Variants in TENM3 observed in about 807,000 individuals in gnomAD.
TENM3 encodes teneurin transmembrane protein 3, also known as teneurin-3.
Under a neutral mutation model 255.1 loss-of-function variants are expected in TENM3, and 63 were observed. The ratio of observed to expected loss-of-function variants is 0.25; its 90% CI spans 0.20 to 0.30. The LOEUF (loss-of-function observed/expected upper bound fraction) is 0.30, where lower values mean the gene tolerates loss of function less well. Among genes scored for constraint, TENM3 ranks in the 10% least tolerant of loss-of-function variants. The probability of loss-of-function intolerance (pLI) is 1.00; values close to 1 mark genes in which losing one functional copy is unlikely to be tolerated. For synonymous variants in TENM3, 1,306 were observed against 1,322.3 expected, an observed-to-expected ratio of 0.99 and a Z score of 0.27; for missense variants, 2,929 against 3,461.1, an observed-to-expected ratio of 0.85 and a Z score of 3.86.
intron 3 of TENM3, chr4:182,449,110 G>T (rs1421846344): frequency 5.0e-6 from 1 of 198,262 alleles, no homozygotes; most frequent in Non-Finnish European, 1.1e-5. Flanking sequence ...GGCGGCGGCG[G>T]CCTGGGGCGG....
chr4:182,168,117 A>G (rs1751842705), intron 1 of TENM3, among the ~76,000 whole-genome samples: 1 of 151,872 alleles, frequency 6.6e-6, no homozygotes, highest in Non-Finnish European at 1.5e-5. Flanking sequence ...CTTCACTTTT[A>G]ATCACATATA....
intron 1 of TENM3, among the ~76,000 whole-genome samples, chr4:182,153,969 G>T (rs1331964145): frequency 1.3e-5 from 2 of 151,698 alleles, no homozygotes; most frequent in African/African-American, 4.8e-5. Flanking sequence ...TCATACTCTT[G>T]GAAAAATGTT....
In TENM3 at chr4:182,161,778, TATAC is replaced by T. The variant is rs1199083630; in HGVS notation, c.-76+17026_-76+17029del. ...ATATACATATATATGTGTATATATA[TATAC>T]ACAAATATATGTATATATATACACA... On this transcript the variant is annotated intron_variant, in intron 1 of 2. Transcript: ENST00000512480. 1.1e-3 allele frequency among the ~76,000 whole-genome samples: 48 copies of T among 43,712 alleles called. 7 individuals are homozygous for T. The highest frequency in any genetic ancestry group is 4.9e-3 in the African/African-American group (42 of 8,596). 28.7% of individuals were successfully genotyped at this position (43,712 alleles called of 152,430 possible). A position where few individuals can be genotyped will look rare whatever the true frequency, so the allele number is the denominator to read the frequency against.
At chr4:181,624,623 G>A in the TENM3 span, among the ~76,000 whole-genome samples, 1 of 152,262 alleles carries the variant, frequency 6.6e-6, no homozygotes, top group East Asian at 1.9e-4. Flanking sequence ...AAATTAAGAG[G>A]AATAAAGCCA....
intron 3 of TENM3, among the ~76,000 whole-genome samples, chr4:182,527,411 G>A (rs1441497559): frequency 2.0e-5 from 3 of 151,880 alleles, no homozygotes; most frequent in Admixed American, 2.0e-4. Flanking sequence ...TGAAGGAAAG[G>A]CTCGTGATTG....
chr4:182,023,824 T>A, the TENM3 span, among the ~76,000 whole-genome samples: 1 of 152,222 alleles, frequency 6.6e-6, no homozygotes, highest in African/African-American at 2.4e-5. Context: ...CCAAAATCCA[T>A]TATAGCTGTA....
At chr4:181,531,425 G>A in the TENM3 span, among the ~76,000 whole-genome samples, 2 of 152,170 alleles carry the variant, frequency 1.3e-5, no homozygotes, top group Admixed American at 6.5e-5. Context: ...GTATCCCAGA[G>A]TCTGTTTCTG....
At chr4:181,543,327 T>C in the TENM3 span, among the ~76,000 whole-genome samples, 4,587 of 151,536 alleles carry the variant, frequency 0.03, 156 homozygotes, top group East Asian at 0.079. Flanking sequence ...AAGGATAAAA[T>C]GTAAGGGGAG....
chr4:182,400,373 C>T (rs1001807250), intron 3 of TENM3, among the ~76,000 whole-genome samples: 4 of 152,128 alleles, frequency 2.6e-5, no homozygotes, highest in Admixed American at 2.6e-4. Flanking sequence ...ATTACTGTAA[C>T]CTAAAATGGA....
the TENM3 span, among the ~76,000 whole-genome samples, chr4:181,693,621 C>G: frequency 6.6e-6 from 1 of 152,152 alleles, no homozygotes; most frequent in East Asian, 1.9e-4. Context: ...TAAGCTCCAG[C>G]AGCTCACAAC....
At chr4:182,712,540 A>G (rs1175017901) in intron 12 of TENM3, among the ~76,000 whole-genome samples, 1 of 152,138 alleles carries the variant, frequency 6.6e-6, no homozygotes, top group Non-Finnish European at 1.5e-5. Flanking sequence ...AGCAAAATTA[A>G]TCTCTTCCTG....
chr4:182,319,014 C>T (rs1282865593), intron 1 of TENM3, among the ~76,000 whole-genome samples: 1 of 152,206 alleles, frequency 6.6e-6, no homozygotes, highest in Non-Finnish European at 1.5e-5. Context: ...GCAGTCCTCT[C>T]ACCTCAGCCT....
chr4:182,645,916 G>A (rs769716469), intron 5 of TENM3, among the ~76,000 whole-genome samples: 36 of 152,330 alleles, frequency 2.4e-4, no homozygotes, highest in African/African-American at 6.5e-4. Flanking sequence ...ATACAAGGGC[G>A]TGAATACCAG....
chr4:182,792,753 G>A lies in TENM3; in HGVS notation c.6081G>A (p.Val2027=). ...FDYSYDNSFR[V]TSMQGVINET... ...ATAGCTATGACAACAGCTTTCGAGTGACCAGCATGCAGGGTGTGATCAATG... is the reference window on the plus strand; with the variant it reads ...ATAGCTATGACAACAGCTTTCGAGTAACCAGCATGCAGGGTGTGATCAATG... Residue 2027 remains valine (V), a synonymous_variant, in exon 26 of 28, where the codon GTG becomes GTA. Coordinates refer to ENST00000511685, the MANE Select transcript of TENM3 (RefSeq NM_001080477.4). This position sits in a 1 kb window ranked among gnomAD's most constrained non-coding sequence, Gnocchi z 6.3. The A allele has an allele frequency of 1.2e-6, 2 of 1,613,918 alleles. No homozygotes were observed. The highest frequency in any genetic ancestry group is 1.3e-5 in the African/African-American group (1 of 75,034).
At chr4:182,092,552 G>A in the TENM3 span, among the ~76,000 whole-genome samples, 3 of 152,138 alleles carry the variant, frequency 2.0e-5, no homozygotes, top group East Asian at 3.9e-4. Context: ...GGAGGCCAAG[G>A]TGGACCTCGA....
chr4:182,534,798 G>A (rs1299945078), intron 3 of TENM3, among the ~76,000 whole-genome samples: 1 of 152,170 alleles, frequency 6.6e-6, no homozygotes, highest in Admixed American at 6.5e-5. Context: ...ACTTAAAAAC[G>A]TGGATTTGGA....
At chr4:181,837,906 G>A in the TENM3 span, among the ~76,000 whole-genome samples, 2 of 152,080 alleles carry the variant, frequency 1.3e-5, no homozygotes, top group African/African-American at 4.8e-5. Context: ...TTGGGAGTCC[G>A]AGGCAGGCAG....
intron 22 of TENM3, among the ~76,000 whole-genome samples, chr4:182,770,988 T>G (rs1764159966): frequency 6.6e-6 from 1 of 152,214 alleles, no homozygotes; most frequent in Admixed American, 6.5e-5. Context: ...GGATCCCAGC[T>G]TAACCCTCTG....
intron 24 of TENM3, among the ~76,000 whole-genome samples, chr4:182,785,079 C>G (rs1226269770): frequency 6.8e-6 from 1 of 147,914 alleles, no homozygotes; most frequent in Admixed American, 6.8e-5. Context: ...GGCTCCTCCC[C>G]CATATTTTTT....
Sources: gnomAD v4.1 joint callset for allele counts (sites outside exome capture counted in the v4.1 genomes callset) on GRCh38, gnomAD v4.1.1 for gene constraint, Gnocchi (gnomAD v3.1) non-coding constraint, MANE v1.5 for transcripts, NCBI Gene and HGNC (gene_info 2026-07-23, HGNC 2026-07-21) for gene names.